ATCAY: variants seen among roughly 807,000 people sequenced by gnomAD.
ATCAY encodes caytaxin.
ATCAY carries 22 observed loss-of-function variants against 47.7 expected under a neutral mutation model. The ratio of observed to expected loss-of-function variants is 0.46; its 90% CI spans 0.33 to 0.66. The LOEUF (loss-of-function observed/expected upper bound fraction) is 0.66. ATCAY is among the 30% of genes least tolerant of loss of function. The pLI is 0.02. For missense variants in ATCAY, 452 were observed against 515.0 expected (o/e 0.88, Z 1.18); for synonymous variants, 216 against 207.6 (o/e 1.04, Z -0.35).
At chr19:3,881,539 G>A (rs2038599577) in intron 1 of ATCAY, among the ~76,000 whole-genome samples, 1 of 152,036 alleles carries the variant, frequency 6.6e-6, no homozygotes, top group South Asian at 2.1e-4. Flanking sequence ...TCAAATGAGC[G>A]CTTCACTCCC....
At chr19:3,889,247 C>G (rs745873698) in intron 2 of ATCAY, among the ~76,000 whole-genome samples, 5 of 152,144 alleles carry the variant, frequency 3.3e-5, no homozygotes, top group Non-Finnish European at 5.9e-5. Flanking sequence ...AACCCCGTCT[C>G]TACTAAAAAT....
intron 1 of ATCAY, among the ~76,000 whole-genome samples, chr19:3,885,343 C>A (rs1246226851): frequency 6.6e-6 from 1 of 151,890 alleles, no homozygotes; most frequent in African/African-American, 2.4e-5. Flanking sequence ...CACCTGAGGT[C>A]AGGAGTTCGA....
At chr19:3,914,319 G>A (rs2038948619) in intron 9 of ATCAY, among the ~76,000 whole-genome samples, 2 of 149,392 alleles carry the variant, frequency 1.3e-5, no homozygotes, top group South Asian at 4.3e-4. Context: ...CAAAAGGCAC[G>A]TCTCCCATGG....
At position 3,899,656 on chromosome 19, in the gene ATCAY, G is replaced by C. The variant is rs553293639; in HGVS notation, c.78-2831G>C. Among the ~76,000 whole-genome samples the C allele has an allele frequency of 4.5e-4, 68 of 152,130 alleles. No homozygotes were observed. The South Asian group carries it at 0.014, about 30-fold the overall frequency. Reference sequence around the variant, plus strand: ...AAAGGAAAGGAACATGCATTCCACCGCCCTTCCATCTAAACAGCTTGCCTT... The same window carrying C: ...AAAGGAAAGGAACATGCATTCCACCCCCCTTCCATCTAAACAGCTTGCCTT... On this transcript the variant is annotated intron_variant, in intron 2 of 12. Transcript: ENST00000450849.
In ATCAY at chr19:3,880,869, G is replaced by C; in HGVS notation, c.-181G>C. 6.6e-6 allele frequency: 1 copy of C among 152,374 alleles called. No individual in the cohort carries two copies. The allele number at this position is 152,374 out of a possible 1,614,324, so 9.4% of individuals were successfully genotyped here. A position where few individuals can be genotyped will look rare whatever the true frequency, so the allele number is the denominator to read the frequency against. The stretch of plus-strand genomic sequence containing the variant: ...CACGTCGCCCTGGGTGACCTTCCTC[G>C]GATGCAGAATCCGCCCCTGCGAGCA... On this transcript the variant is annotated 5_prime_UTR_variant, in exon 1 of 13. Coordinates refer to ENST00000450849, the MANE Select transcript of ATCAY (RefSeq NM_033064.5).
chr19:3,891,920 C>T (rs751458392), intron 2 of ATCAY, among the ~76,000 whole-genome samples: 9 of 152,052 alleles, frequency 5.9e-5, no homozygotes, highest in African/African-American at 1.2e-4. Flanking sequence ...AACAGAGTCT[C>T]GCTGCAACGC....
At chr19:3,919,717 G>A (rs2038999755) in intron 11 of ATCAY, among the ~76,000 whole-genome samples, 1 of 150,684 alleles carries the variant, frequency 6.6e-6, no homozygotes, top group South Asian at 2.1e-4. Context: ...AGCTATGACT[G>A]CACTCCAGCC....
chr19:3,919,620 A>C (rs1031247165), intron 11 of ATCAY, among the ~76,000 whole-genome samples: 15 of 151,772 alleles, frequency 9.9e-5, no homozygotes, highest in African/African-American at 3.6e-4. Context: ...AATATCATCC[A>C]GGTGTGGTGA....
intron 3 of ATCAY, among the ~76,000 whole-genome samples, chr19:3,904,651 C>G (rs1338202894): frequency 6.6e-6 from 1 of 151,954 alleles, no homozygotes; most frequent in African/African-American, 2.4e-5. Context: ...CACACACACA[C>G]ACACACACGT....
chr19:3,886,178 G>A (rs2038651758), intron 2 of ATCAY, among the ~76,000 whole-genome samples: 1 of 152,198 alleles, frequency 6.6e-6, no homozygotes, highest in African/African-American at 2.4e-5. Context: ...GCTGGGCGCG[G>A]CGGTTCACGC....
intron 6 of ATCAY, among the ~76,000 whole-genome samples, chr19:3,908,582 CTCCTCCTCCTCCTCT>C (rs1432276999): frequency 6.6e-6 from 1 of 150,792 alleles, no homozygotes; most frequent in East Asian, 2.0e-4. Flanking sequence ...CCTCCCCGTC[CTCCTCCTCCTCCTCT>C]TCCTCCTCCT....
intron 2 of ATCAY, among the ~76,000 whole-genome samples, chr19:3,899,029 T>C (rs2038792312): frequency 6.6e-6 from 1 of 152,128 alleles, no homozygotes; most frequent in Non-Finnish European, 1.5e-5. Context: ...ATGAATTATG[T>C]TCATTCAAGT....
rs970811779 is a variant in ATCAY at position 3,890,629 on chromosome 19, G to A, written c.77+4785G>A. 7.9e-5 allele frequency among the ~76,000 whole-genome samples: 12 copies of A among 152,144 alleles called. No individual in the cohort carries two copies. In the East Asian group the frequency reaches 2.1e-3, roughly 27 times the overall value. ...CTTGAGACAAAAACCAAGGCCGAGC[G>A]CACCTGCAAATGCAAGCTGGAGGCC... On this transcript the variant is annotated intron_variant, in intron 2 of 12. Coordinates refer to ENST00000450849, the MANE Select transcript of ATCAY (RefSeq NM_033064.5).
At chr19:3,914,045 G>A (rs2038945230) in intron 9 of ATCAY, among the ~76,000 whole-genome samples, 189 bp downstream of exon 9, 1 of 151,628 alleles carries the variant, frequency 6.6e-6, no homozygotes, top group Non-Finnish European at 1.5e-5. Context: ...GACCATCCTG[G>A]CTAACATGGT....
intron 12 of ATCAY, among the ~76,000 whole-genome samples, chr19:3,921,303 G>T: frequency 6.6e-6 from 1 of 151,586 alleles, no homozygotes; most frequent in Middle Eastern, 3.4e-3. Context: ...TTGAGGTCAG[G>T]AGTTCAAGAC....
Position 3,902,534 on chromosome 19 carries a change from A to T in ATCAY, c.125A>T (p.Glu42Val). The T allele has an allele frequency of 6.4e-7, 1 of 1,573,434 alleles. No individual in the cohort carries two copies. The highest frequency in any genetic ancestry group is 1.2e-5 in the South Asian group (1 of 85,488). ...TGVELLGSPV[E>V]DTSSPPNTLN... ...GTGGAACTGCTTGGCAGCCCGGTGG[A>T]AGACACATCCTGTAAGTTTCCACGT... Residue 42 changes from glutamate (E) to valine (V), a missense_variant, in exon 3 of 13, where the codon GAA becomes GTA. Physicochemically the swap from Glu to Val is moderately radical, Grantham distance 121. Coordinates refer to ENST00000450849, the MANE Select transcript of ATCAY (RefSeq NM_033064.5).
intron 8 of ATCAY, among the ~76,000 whole-genome samples, chr19:3,913,554 G>A (rs543747189): frequency 1.3e-4 from 20 of 152,192 alleles, no homozygotes; most frequent in African/African-American, 3.1e-4. Context: ...GGGCCTCGGC[G>A]CAGACCCGGG....
In ATCAY at chr19:3,923,346, AG is replaced by A. The variant is rs1235948888; in HGVS notation, c.1107-1236del. Among the ~76,000 whole-genome samples the A allele has an allele frequency of 4.6e-5, 7 of 152,338 alleles. No individual in the cohort carries two copies. In the East Asian group the frequency reaches 9.6e-4, roughly 21 times the overall value. ...TTGCCTGGAGATCCTTAGGTGGATAAGATATAATAAGCATGTTTTAACAATT... is the reference window on the plus strand; with the variant it reads ...TTGCCTGGAGATCCTTAGGTGGATAAATATAATAAGCATGTTTTAACAATT... On this transcript the variant is annotated intron_variant, in intron 12 of 12. Coordinates refer to ENST00000450849, the MANE Select transcript of ATCAY (RefSeq NM_033064.5).
intron 9 of ATCAY, among the ~76,000 whole-genome samples, chr19:3,917,259 C>G (rs2038973749): frequency 6.6e-6 from 1 of 151,312 alleles, no homozygotes; most frequent in South Asian, 2.1e-4. Context: ...GCACTCCAGT[C>G]TGGGCTATGA....
Sources: gnomAD v4.1 joint callset for allele counts (sites outside exome capture counted in the v4.1 genomes callset) on GRCh38, gnomAD v4.1.1 for gene constraint, MANE v1.5 for transcripts, NCBI Gene and HGNC (gene_info 2026-07-23, HGNC 2026-07-21) for gene names.